Variants in SDCCAG8 observed in about 807,000 individuals in gnomAD.
The protein encoded by SDCCAG8 is SHH signaling and ciliogenesis regulator SDCCAG8, also known as serologically defined colon cancer antigen 8.
SDCCAG8 carries 74 observed loss-of-function variants against 101.8 expected under a neutral mutation model. The ratio of observed to expected loss-of-function variants is 0.73; its 90% CI spans 0.60 to 0.88. The LOEUF (loss-of-function observed/expected upper bound fraction) is 0.88, where lower values mean the gene tolerates loss of function less well. SDCCAG8 is among the 40% of genes least tolerant of loss of function. The pLI, the probability that SDCCAG8 is intolerant of heterozygous loss-of-function variation, is 0.00. For missense variants in SDCCAG8, 787 were observed against 822.6 expected, an observed-to-expected ratio of 0.96 and a Z score of 0.53; for synonymous variants, 281 against 292.9, an observed-to-expected ratio of 0.96 and a Z score of 0.41.
At chr1:243,481,329 C>A (rs902153534) in intron 16 of SDCCAG8, among the ~76,000 whole-genome samples, 8 of 152,076 alleles carry the variant, frequency 5.3e-5, no homozygotes, top group Non-Finnish European at 1.0e-4. Flanking sequence ...TGCTCTGTGG[C>A]CTTGGTGGCT....
At position 243,308,222 on chromosome 1, in the gene SDCCAG8, AT is replaced by A. The variant is rs747969375; in HGVS notation, c.929+47del. 1.9e-6 allele frequency: 3 copies of A among 1,601,046 alleles called. No individual in the cohort carries two copies. In the Admixed American group the frequency reaches 5.0e-5, roughly 27 times the overall value. ...CACGGAGACTTTGGCAATATGGAAA[AT>A]TCTGCCTTTAAAGGGGCATTGTGTT... is the stretch of plus-strand genomic sequence containing the variant. On this transcript the variant is annotated intron_variant, in intron 8 of 17. Transcript: ENST00000366541.
chr1:243,500,083 T>C lies in SDCCAG8; in HGVS notation c.*298T>C, dbSNP rs182270139. The stretch of plus-strand genomic sequence containing the variant: ...ACATATGATTTTCAATAAATGAACT[T>C]TTTAAAGACTTGAGTTGTAATGTTT... On this transcript the variant is annotated 3_prime_UTR_variant, in exon 18 of 18. Coordinates refer to ENST00000366541, the MANE Select transcript of SDCCAG8 (RefSeq NM_006642.5). 3.8e-4 allele frequency: 159 copies of C among 414,252 alleles called. No individual in the cohort carries two copies. The highest frequency in any genetic ancestry group is 2.3e-3 in the African/African-American group (117 of 51,080). The allele number at this position is 414,252 out of a possible 1,614,324, so 25.7% of individuals were successfully genotyped here. A position where few individuals can be genotyped will look rare whatever the true frequency, so the allele number is the denominator to read the frequency against.
At chr1:243,397,475 A>G (rs987023681) in intron 13 of SDCCAG8, among the ~76,000 whole-genome samples, 13 of 152,250 alleles carry the variant, frequency 8.5e-5, no homozygotes, top group Non-Finnish European at 1.5e-4. Context: ...AAAAAAATTT[A>G]AAGTGAAGGT....
intron 4 of SDCCAG8, among the ~76,000 whole-genome samples, chr1:243,275,663 T>C (rs1480600906): frequency 2.0e-5 from 3 of 152,078 alleles, no homozygotes; most frequent in Non-Finnish European, 4.4e-5. Flanking sequence ...TTGAAAGATA[T>C]AAAGCAGAAT....
chr1:243,280,021 C>A (rs1320947806), intron 4 of SDCCAG8, among the ~76,000 whole-genome samples: 4 of 152,068 alleles, frequency 2.6e-5, no homozygotes, highest in African/African-American at 9.7e-5. Context: ...AGTGAACTTA[C>A]CTGGGCCTGG....
intron 12 of SDCCAG8, among the ~76,000 whole-genome samples, chr1:243,346,561 G>A (rs1241820062): frequency 6.6e-6 from 1 of 152,198 alleles, no homozygotes. Context: ...TAGGGCAAAT[G>A]GTTAACCACC....
At chr1:243,397,773 C>T (rs2079115793) in intron 13 of SDCCAG8, among the ~76,000 whole-genome samples, 1 of 152,240 alleles carries the variant, frequency 6.6e-6, no homozygotes, top group Admixed American at 6.5e-5. Context: ...AGTGACCTGC[C>T]TTTGGGCAGA....
At chr1:243,327,407 T>TTAAAA (rs1558300335) in intron 9 of SDCCAG8, among the ~76,000 whole-genome samples, 1 of 106,622 alleles carries the variant, frequency 9.4e-6, no homozygotes, top group South Asian at 4.2e-4. Flanking sequence ...TTTATAGAAA[T>TTAAAA]TTATAATTTT....
intron 15 of SDCCAG8, among the ~76,000 whole-genome samples, chr1:243,424,126 G>A (rs2081192650): frequency 6.6e-6 from 1 of 152,040 alleles, no homozygotes; most frequent in Non-Finnish European, 1.5e-5. Flanking sequence ...GATGGAGAGT[G>A]CAGTTAGTGT....
intron 6 of SDCCAG8, among the ~76,000 whole-genome samples, chr1:243,300,165 G>A (rs1308506911): frequency 6.6e-6 from 1 of 152,018 alleles, no homozygotes; most frequent in African/African-American, 2.4e-5. Flanking sequence ...GCCTGGCCAT[G>A]AATTAATTAT....
intron 13 of SDCCAG8, among the ~76,000 whole-genome samples, chr1:243,389,635 A>T (rs998807233): frequency 3.3e-5 from 5 of 152,210 alleles, no homozygotes; most frequent in African/African-American, 1.2e-4. Context: ...TGTTTTAAAA[A>T]ACTATTTGCA....
At chr1:243,274,681 A>T (rs774839521) in intron 4 of SDCCAG8, 25 bp downstream of exon 4, 4 of 1,327,090 alleles carry the variant, frequency 3.0e-6, no homozygotes. Context: ...AAGAATTTAA[A>T]ACTAAATAAA....
chr1:243,285,936 CTTAT>C (rs1398845784), intron 4 of SDCCAG8, among the ~76,000 whole-genome samples: 1 of 152,156 alleles, frequency 6.6e-6, no homozygotes, highest in African/African-American at 2.4e-5. Flanking sequence ...AATAATATAT[CTTAT>C]TTTTCAGAAT....
intron 16 of SDCCAG8, among the ~76,000 whole-genome samples, chr1:243,470,462 G>T (rs1661013044): frequency 6.6e-6 from 1 of 151,630 alleles, no homozygotes; most frequent in Non-Finnish European, 1.5e-5. Context: ...TAGGAGAGTA[G>T]AATTTTTTTT....
At chr1:243,274,264 A>G (rs2068334404) in intron 3 of SDCCAG8, among the ~76,000 whole-genome samples, 1 of 152,222 alleles carries the variant, frequency 6.6e-6, no homozygotes, top group African/African-American at 2.4e-5. Flanking sequence ...TATCATGAGG[A>G]TAGCACCAAG....
chr1:243,304,639 A>G, intron 6 of SDCCAG8, 74 bp from the exon 7 acceptor site: 1 of 783,442 alleles, frequency 1.3e-6, no homozygotes. Context: ...ATTGAGTTTA[A>G]TATTAAAAAT....
At chr1:243,282,670 C>A (rs1302646469) in intron 4 of SDCCAG8, among the ~76,000 whole-genome samples, 1 of 152,108 alleles carries the variant, frequency 6.6e-6, no homozygotes, top group Non-Finnish European at 1.5e-5. Context: ...GAAGGTTAAT[C>A]TTGCTGAATC....
At chr1:243,339,165 G>A (rs1301984327) in intron 10 of SDCCAG8, among the ~76,000 whole-genome samples, 1 of 152,152 alleles carries the variant, frequency 6.6e-6, no homozygotes, top group Non-Finnish European at 1.5e-5. Flanking sequence ...GGGTGGCAGA[G>A]GGAGGAATCC....
chr1:243,412,497 C>T (rs551562449), intron 13 of SDCCAG8, among the ~76,000 whole-genome samples: 56 of 152,310 alleles, frequency 3.7e-4, no homozygotes, highest in African/African-American at 1.1e-3. Flanking sequence ...GTCCAACTGG[C>T]GGCCCAGGAC....
Sources: gnomAD v4.1 joint callset for allele counts (sites outside exome capture counted in the v4.1 genomes callset) on GRCh38, gnomAD v4.1.1 for gene constraint, MANE v1.5 for transcripts, NCBI Gene and HGNC (gene_info 2026-07-23, HGNC 2026-07-21) for gene names.